GRINA: variants seen among roughly 807,000 people sequenced by gnomAD.
GRINA encodes glutamate ionotropic receptor NMDA type subunit associated protein 1, also known as protein lifeguard 1.
GRINA carries 26 observed loss-of-function variants against 42.5 expected under a neutral mutation model. The ratio of observed to expected loss-of-function variants is 0.61; its 90% CI spans 0.45 to 0.85. The LOEUF (loss-of-function observed/expected upper bound fraction) is 0.85, where lower values mean the gene tolerates loss of function less well. Ranked by LOEUF, GRINA falls within the 40% of genes least tolerant of loss-of-function variation. GRINA has a pLI of 0.00. For synonymous variants in GRINA, 256 were observed against 204.2 expected (o/e 1.25, Z -2.17); for missense variants, 475 against 481.5 (o/e 0.99, Z 0.13).
At chr8:143,991,132 G>T in intron 1 of GRINA, 68 bp from the exon 2 acceptor site, 1 of 819,838 alleles carries the variant, frequency 1.2e-6, no homozygotes, top group South Asian at 1.8e-5. Context: ...AGGTGGAGTT[G>T]CGCAGGGCTG....
In GRINA at chr8:143,991,896, T is replaced by G. The variant is rs1554750571; in HGVS notation, c.511T>G (p.Leu171Val). Residue 171 changes from leucine to valine, a missense_variant, in exon 4 of 7, where the codon TTG (leucine) becomes GTG (valine). Leu to Val is a conservative substitution (Grantham distance 32). Around this residue, in one of 2 missense-constraint regions of GRINA, gnomAD observed 321 missense variants for 267.2 expected, o/e 1.20. Coordinates refer to ENST00000395068, the MANE Select transcript of GRINA (RefSeq NM_001009184.2). ...FIRKVFLVLT[L>V]QLSVTLSTVS... ...TCCCCAGGTGTTCCTAGTGCTGACCTTGCAGCTGTCGGTGACCCTGTCCAC... is the reference window on the plus strand; with the variant it reads ...TCCCCAGGTGTTCCTAGTGCTGACCGTGCAGCTGTCGGTGACCCTGTCCAC... The G allele has an allele frequency of 1.2e-6, 2 of 1,611,948 alleles. No homozygotes were observed. Among genetic ancestry groups the G allele is most frequent in the South Asian group, 1.1e-5 (1 of 90,810 alleles).
At position 143,991,591 on chromosome 8, in the gene GRINA, A is replaced by G. The variant is rs1834098386; in HGVS notation, c.368A>G (p.Gln123Arg). ...GGACAGCCACAGGTCTTCCCAGGAC[A>G]AGACCCTGACTGTGAGTCTCAGGAA... is the stretch of plus-strand genomic sequence containing the variant. ...PYGQPQVFPG[Q>R]DPDSPQHGNY... The change falls in exon 2 of 7, where the codon CAA becomes CGA. Residue 123 changes from glutamine to arginine, a missense_variant. Physicochemically the swap from Gln to Arg is conservative, Grantham distance 43. Around this residue, in one of 2 missense-constraint regions of GRINA, gnomAD observed 321 missense variants for 267.2 expected, o/e 1.20. Coordinates refer to ENST00000395068, the MANE Select transcript of GRINA (RefSeq NM_001009184.2). 3 of 1,603,748 alleles carry G rather than the reference A, an allele frequency of 1.9e-6. No individual in the cohort carries two copies. The highest frequency in any genetic ancestry group is 2.2e-5 in the South Asian group (2 of 90,908).
intron 4 of GRINA, 39 bp from the exon 5 acceptor site, chr8:143,992,206 G>T (rs1834110855): frequency 6.2e-7 from 1 of 1,602,104 alleles, no homozygotes; most frequent in South Asian, 1.1e-5. Context: ...GTGGCATGGG[G>T]GCACACACCC....
intron 1 of GRINA, 36 bp from the exon 2 acceptor site, chr8:143,991,164 C>G: frequency 8.0e-7 from 1 of 1,249,882 alleles, no homozygotes; most frequent in East Asian, 2.7e-5. Flanking sequence ...TGTCGTCAAG[C>G]CAACTGTTCC....
rs781831444 is a variant in GRINA at position 143,991,459 on chromosome 8, A to T, written c.236A>T (p.Tyr79Phe). The T allele has an allele frequency of 2.1e-5, 32 of 1,489,498 alleles. No individual in the cohort carries two copies. Among genetic ancestry groups the T allele is most frequent in the Non-Finnish European group, 2.8e-5 (31 of 1,122,718 alleles). 92.3% of individuals were successfully genotyped at this position (1,489,498 alleles called of 1,614,324 possible). ...CAGGGTCCCTACCCCCAAGGGGGCT[A>T]CCCACAGGGCCCCTACCCACAAGAG... ...YPQGPYPQGGYPQGPYPQEGY... is the reference protein window; with the variant it reads ...YPQGPYPQGGFPQGPYPQEGY... The change falls in exon 2 of 7, where the codon TAC (tyrosine) becomes TTC (phenylalanine). Residue 79 changes from tyrosine to phenylalanine, a missense_variant. Transcript: ENST00000395068.
chr8:143,991,528 G>T lies in GRINA; in HGVS notation c.305G>T (p.Gly102Val), dbSNP rs551985586. The change falls in exon 2 of 7, where the codon GGG (glycine) becomes GTG (valine). Residue 102 changes from glycine (G) to valine (V), a missense_variant. Transcript: ENST00000395068. ...TACCCCCAAGGGGGCTACCCCCAGG[G>T]GCCATATCCCCAGAGCCCCTTCCCC... Reference protein sequence around the residue: ...GPYPQGGYPQGPYPQSPFPPN... With the variant: ...GPYPQGGYPQVPYPQSPFPPN... 62 of 1,550,024 alleles carry T rather than the reference G, an allele frequency of 4.0e-5. No individual in the cohort carries two copies. The highest frequency in any genetic ancestry group is 2.6e-6 in the Non-Finnish European group (3 of 1,139,814).
At position 143,993,254 on chromosome 8, in the gene GRINA, C is replaced by G. The variant is rs781938697; in HGVS notation, c.*413C>G. On this transcript the variant is annotated 3_prime_UTR_variant, in exon 7 of 7. Transcript: ENST00000395068. ...GGCGTAGAGCACCCCTCCCCTCCCCCCCACCCCCCTGGAGTGCTGCCCTCT... is the reference window on the plus strand; with the variant it reads ...GGCGTAGAGCACCCCTCCCCTCCCCGCCACCCCCCTGGAGTGCTGCCCTCT... 9 of 240,486 alleles carry G rather than the reference C, an allele frequency of 3.7e-5. No individual in the cohort carries two copies. Among genetic ancestry groups the G allele is most frequent in the African/African-American group, 8.9e-5 (4 of 44,700 alleles). The allele number at this position is 240,486 out of a possible 1,614,324, so 14.9% of individuals were successfully genotyped here.
At position 143,992,019 on chromosome 8, in the gene GRINA, A is replaced by T. The variant is rs1554750601; in HGVS notation, c.634A>T (p.Ile212Phe). 6.2e-7 allele frequency: 1 copy of T among 1,613,700 alleles called. No individual in the cohort carries two copies. ...VSYAVFFISL[I>F]VLSCCGDFRR... ...CTATGCTGTCTTCTTCATCTCTCTC[A>T]TCGTCCTCAGCTGTTGTGGGGACTT... Residue 212 changes from isoleucine to phenylalanine, a missense_variant, in exon 4 of 7, where the codon ATC becomes TTC. By Grantham distance (21) the Ile-to-Phe change is conservative. Transcript: ENST00000395068.
chr8:143,992,676 G>A lies in GRINA; in HGVS notation c.967-16G>A. ...GGCAGGCTTGTCCCTCAACACCACT[G>A]TGCTGTCACCTCCAGTTCCTCGCAG... On this transcript the variant is annotated splice_polypyrimidine_tract_variant and intron_variant, in intron 6 of 6. Transcript: ENST00000395068. The A allele has an allele frequency of 1.9e-6, 3 of 1,613,944 alleles. No homozygotes were observed. Among genetic ancestry groups the A allele is most frequent in the Non-Finnish European group, 2.5e-6 (3 of 1,179,960 alleles).
Position 143,992,625 on chromosome 8 carries a change from CT to C in GRINA, c.966+19del. On this transcript the variant is annotated intron_variant, in intron 6 of 6. Coordinates refer to ENST00000395068, the MANE Select transcript of GRINA (RefSeq NM_001009184.2). ...TTCACCTGCGTGAGTGAGGGGTGAC[CT>C]TGGCCGGGGGCGGGATGCTGGGCAG... 1.9e-6 allele frequency: 3 copies of C among 1,614,082 alleles called. No homozygotes were observed. Among genetic ancestry groups the C allele is most frequent in the Non-Finnish European group, 2.5e-6 (3 of 1,180,002 alleles).
rs7814596 is a variant in GRINA at position 143,991,412 on chromosome 8, C to T, written c.189C>T (p.Pro63=). ...GQPGYPHGPS[P]YPQGGYPQGP... ...CAGGGTACCCCCATGGCCCCAGCCCCTACCCCCAAGGGGGCTACCCACAGG... is the reference window on the plus strand; with the variant it reads ...CAGGGTACCCCCATGGCCCCAGCCCTTACCCCCAAGGGGGCTACCCACAGG... Residue 63 remains proline (P), a synonymous_variant, in exon 2 of 7, where the codon CCC becomes CCT. Coordinates refer to ENST00000395068, the MANE Select transcript of GRINA (RefSeq NM_001009184.2). The T allele has an allele frequency of 1.5e-6, 2 of 1,309,898 alleles. No homozygotes were observed. The highest frequency in any genetic ancestry group is 2.5e-4 in the Middle Eastern group (1 of 4,078). The allele number at this position is 1,309,898 out of a possible 1,614,324, so 81.1% of individuals were successfully genotyped here. A position where few individuals can be genotyped will look rare whatever the true frequency, so the allele number is the denominator to read the frequency against.
chr8:143,991,011 GCGC>G lies in GRINA; in HGVS notation c.-24-184_-24-182del, dbSNP rs535271717. On this transcript the variant is annotated intron_variant, in intron 1 of 6. Coordinates refer to ENST00000395068, the MANE Select transcript of GRINA (RefSeq NM_001009184.2). ...CCTAGAGCCCTGGGAAGGCCCCACG[GCGC>G]CGCCCGTCCGGTCCTCACGCGCTTC... The G allele has an allele frequency of 4.2e-4, 173 of 408,562 alleles. 1 individual carries two copies. In the South Asian group the frequency reaches 8.0e-3, roughly 19 times the overall value. 25.3% of individuals were successfully genotyped at this position (408,562 alleles called of 1,614,324 possible).
At chr8:143,992,208 C>T (rs1554750650) in intron 4 of GRINA, 37 bp from the exon 5 acceptor site, 1 of 1,601,912 alleles carries the variant, frequency 6.2e-7, no homozygotes, top group South Asian at 1.1e-5. Context: ...GGCATGGGGG[C>T]ACACACCCAA....
chr8:143,991,916 G>C lies in GRINA; in HGVS notation c.531G>C (p.Leu177=), dbSNP rs146399598. 14 of 1,613,272 alleles carry C rather than the reference G, an allele frequency of 8.7e-6. No homozygotes were observed. The African/African-American group carries it at 1.9e-4, about 22-fold the overall frequency. Reference sequence around the variant, plus strand: ...TGACCTTGCAGCTGTCGGTGACCCTGTCCACGGTGTCTGTGTTCACTTTTG... The same window carrying C: ...TGACCTTGCAGCTGTCGGTGACCCTCTCCACGGTGTCTGTGTTCACTTTTG... ...LVLTLQLSVT[L]STVSVFTFVA... is the part of the protein sequence containing the mutation. The change falls in exon 4 of 7, where the codon CTG becomes CTC. Residue 177 remains leucine, a synonymous_variant. Transcript: ENST00000395068.
rs1554750394 is a variant in GRINA, at chr8:143,991,306, C to A, written c.83C>A (p.Pro28His). Residue 28 changes from proline to histidine, a missense_variant, in exon 2 of 7, where the codon CCC becomes CAC. Around this residue, in one of 2 missense-constraint regions of GRINA, gnomAD observed 321 missense variants for 267.2 expected, o/e 1.20. Transcript: ENST00000395068. Reference protein sequence around the residue: ...NPGYPGGPQPPMPPYAQPPYP... With the variant: ...NPGYPGGPQPHMPPYAQPPYP... ...GGATATCCGGGGGGGCCCCAGCCACCCATGCCCCCCTATGCTCAGCCTCCC... is the reference window on the plus strand; with the variant it reads ...GGATATCCGGGGGGGCCCCAGCCACACATGCCCCCCTATGCTCAGCCTCCC... The A allele has an allele frequency of 1.4e-6, 2 of 1,421,010 alleles. No homozygotes were observed. Among genetic ancestry groups the A allele is most frequent in the Non-Finnish European group, 1.9e-6 (2 of 1,044,512 alleles). The allele number at this position is 1,421,010 out of a possible 1,614,324, so 88.0% of individuals were successfully genotyped here. A position where few individuals can be genotyped will look rare whatever the true frequency, so the allele number is the denominator to read the frequency against.
At position 143,991,970 on chromosome 8, in the gene GRINA, G is replaced by T; in HGVS notation, c.585G>T (p.Glu195Asp). ...FVAEVKGFVR[E>D]NVWTYYVSYA... ...CGGAGGTGAAGGGCTTTGTCCGGGAGAATGTCTGGACCTACTATGTCTCCT... is the reference window on the plus strand; with the variant it reads ...CGGAGGTGAAGGGCTTTGTCCGGGATAATGTCTGGACCTACTATGTCTCCT... The change falls in exon 4 of 7, where the codon GAG becomes GAT. Residue 195 changes from glutamate to aspartate, a missense_variant. Transcript: ENST00000395068. The T allele has an allele frequency of 6.2e-7, 1 of 1,613,594 alleles. No homozygotes were observed. Among genetic ancestry groups the T allele is most frequent in the South Asian group, 1.1e-5 (1 of 91,074 alleles).
At position 143,993,313 on chromosome 8, in the gene GRINA, C is replaced by T. The variant is rs1834131913; in HGVS notation, c.*472C>T. 1.8e-5 allele frequency: 3 copies of T among 170,134 alleles called. No homozygotes were observed. Among genetic ancestry groups the T allele is most frequent in the South Asian group, 2.7e-4 (2 of 7,428 alleles). The allele number at this position is 170,134 out of a possible 1,614,324, so 10.5% of individuals were successfully genotyped here. ...GCGGAGTGGGGGTCTTATCCCTGTG[C>T]TGAGCCCTGAGGGCAGAGAGGATGG... On this transcript the variant is annotated 3_prime_UTR_variant, in exon 7 of 7. Transcript: ENST00000395068.
Position 143,992,803 on chromosome 8 carries a change from C to T in GRINA, c.1078C>T (p.Leu360=). 1.9e-6 allele frequency: 3 copies of T among 1,613,820 alleles called. No homozygotes were observed. The highest frequency in any genetic ancestry group is 2.5e-6 in the Non-Finnish European group (3 of 1,179,904). Residue 360 remains leucine (L), a synonymous_variant, in exon 7 of 7, where the codon CTG becomes TTG. Transcript: ENST00000395068. The part of the protein sequence containing the change: ...NLYTDIINIF[L]YILTIIGRAK... ...GTACACAGACATCATCAACATCTTCCTGTACATCCTCACCATCATTGGCCG... is the reference window on the plus strand; with the variant it reads ...GTACACAGACATCATCAACATCTTCTTGTACATCCTCACCATCATTGGCCG...
rs1270641681 is a variant in GRINA, at chr8:143,990,573, A to T, written c.-25+374A>T. Reference sequence around the variant, plus strand: ...CGCCCCGTGGTCGCTTCCATCCCCCACACACCCCCGCACCCCGCTGTTCCC... The same window carrying T: ...CGCCCCGTGGTCGCTTCCATCCCCCTCACACCCCCGCACCCCGCTGTTCCC... On this transcript the variant is annotated intron_variant, in intron 1 of 6. Transcript: ENST00000395068. The surrounding 1 kb of genome is among the most constrained non-coding windows in gnomAD (Gnocchi z 5.6). 21 of 104,306 alleles carry T rather than the reference A, an allele frequency of 2.0e-4. No individual in the cohort carries two copies. Among genetic ancestry groups the T allele is most frequent in the African/African-American group, 7.7e-4 (21 of 27,228 alleles). The allele number at this position is 104,306 out of a possible 1,614,324, so 6.5% of individuals were successfully genotyped here. A position where few individuals can be genotyped will look rare whatever the true frequency, so the allele number is the denominator to read the frequency against.
Sources: allele counts gnomAD v4.1 joint callset, GRCh38; gene constraint gnomAD v4.1.1; regional missense constraint gnomAD v4.1.1; non-coding constraint Gnocchi (gnomAD v3.1); transcripts MANE v1.5; gene names NCBI Gene and HGNC (gene_info 2026-07-23, HGNC 2026-07-21).